Variants in RAB11FIP3 observed in about 807,000 individuals in gnomAD.
The protein encoded by RAB11FIP3 is rab11 family-interacting protein 3.
A neutral mutation model predicts 77.8 loss-of-function variants in RAB11FIP3; 17 were observed. The observed-to-expected ratio is 0.22, with a 90% CI of 0.15 to 0.33. RAB11FIP3 has a LOEUF of 0.33. Ranked by LOEUF, RAB11FIP3 falls within the 10% of genes least tolerant of loss-of-function variation. The probability of loss-of-function intolerance (pLI) is 1.00; values close to 1 mark genes in which losing one functional copy is unlikely to be tolerated. For synonymous variants in RAB11FIP3, 437 were observed against 448.2 expected (o/e 0.98, Z 0.31); for missense variants, 1,005 against 1,011.2 (o/e 0.99, Z 0.08).
rs765877935 is a variant in RAB11FIP3, at chr16:482,679, A to C, written c.1058A>C (p.Glu353Ala). ...GCCGGCGGCTCGGCCGTGCCCTCTG[A>C]GTGCCTGGACGCCATGGAGGAGCCC... The part of the protein sequence containing the change: ...DSAGGSAVPS[E>A]CLDAMEEPDH... The change falls in exon 4 of 14, where the codon GAG becomes GCG. Residue 353 changes from glutamate (E) to alanine (A), a missense_variant. By Grantham distance (107) the Glu-to-Ala change is moderately radical. Transcript: ENST00000262305. 3.2e-5 allele frequency: 52 copies of C among 1,612,448 alleles called. No homozygotes were observed. Among genetic ancestry groups the C allele is most frequent in the Non-Finnish European group, 4.2e-5 (49 of 1,179,930 alleles).
chr16:493,958 C>T (rs950723411), intron 5 of RAB11FIP3, among the ~76,000 whole-genome samples: 1 of 141,072 alleles, frequency 7.1e-6, no homozygotes, highest in Admixed American at 7.2e-5. Context: ...GGCTGGAGTG[C>T]GGTGGTGCGA....
chr16:432,281 G>T (rs1204146848), intron 1 of RAB11FIP3, among the ~76,000 whole-genome samples: 4 of 151,996 alleles, frequency 2.6e-5, no homozygotes, highest in African/African-American at 9.7e-5. Flanking sequence ...AGAGGTCGAG[G>T]CAGGAGAATC....
Position 521,351 on chromosome 16 carries a change from C to A in RAB11FIP3, c.*512C>A. 6.3e-6 allele frequency: 1 copy of A among 157,914 alleles called. No individual in the cohort carries two copies. Among genetic ancestry groups the A allele is most frequent in the South Asian group, 1.9e-4 (1 of 5,328 alleles). The allele number at this position is 157,914 out of a possible 1,614,324, so 9.8% of individuals were successfully genotyped here. ...ATAAGTACGCTGGTGCCGTGTCACC[C>A]ATGTTGAGCCGCTCCTGATGGCTGA... is the stretch of plus-strand genomic sequence containing the variant. On this transcript the variant is annotated 3_prime_UTR_variant, in exon 14 of 14. Transcript: ENST00000262305.
intron 1 of RAB11FIP3, among the ~76,000 whole-genome samples, chr16:450,310 C>G (rs912612457): frequency 9.2e-5 from 14 of 152,060 alleles, no homozygotes; most frequent in Admixed American, 7.9e-4. Context: ...GCTGGGACCA[C>G]AAGCATGCAC....
At chr16:477,705 G>A (rs2055947174) in intron 3 of RAB11FIP3, 2 of 980,432 alleles carry the variant, frequency 2.0e-6, no homozygotes, top group African/African-American at 3.5e-5. Flanking sequence ...CCTGGTTCTG[G>A]ATGTTACAGT....
At chr16:443,601 T>C (rs1334725497) in intron 1 of RAB11FIP3, among the ~76,000 whole-genome samples, 2 of 152,238 alleles carry the variant, frequency 1.3e-5, no homozygotes, top group Non-Finnish European at 2.9e-5. Flanking sequence ...AGTCTCGCTC[T>C]GTCGCCCAGG....
At position 518,330 on chromosome 16, in the gene RAB11FIP3, A is replaced by G. The variant is rs560778382; in HGVS notation, c.1641-613A>G. Among the ~76,000 whole-genome samples, 327 of 152,286 alleles carry G rather than the reference A, an allele frequency of 2.1e-3. 5 individuals carry two copies. Among genetic ancestry groups the G allele is most frequent in the African/African-American group, 7.6e-3 (314 of 41,554 alleles). The stretch of plus-strand genomic sequence containing the variant: ...TCCTGGGCCCAAGCAATCCTCCCGC[A>G]TTGGCCTCCCAAAGTGTTGGGATTA... On this transcript the variant is annotated intron_variant, in intron 9 of 13. Coordinates refer to ENST00000262305, the MANE Select transcript of RAB11FIP3 (RefSeq NM_014700.4).
chr16:492,385 C>CTCCCCGGG (rs1216000473), intron 5 of RAB11FIP3, among the ~76,000 whole-genome samples: 1 of 144,586 alleles, frequency 6.9e-6, no homozygotes, highest in East Asian at 2.0e-4. Flanking sequence ...CGAGGCCGCC[C>CTCCCCGGG]AGAGCCCTCC....
chr16:440,941 C>CT (rs1160155330), intron 1 of RAB11FIP3, among the ~76,000 whole-genome samples: 390 of 143,372 alleles, frequency 2.7e-3, no homozygotes, highest in East Asian at 0.011. Flanking sequence ...GTCCATTTTT[C>CT]TTTTTTTTTT....
intron 5 of RAB11FIP3, among the ~76,000 whole-genome samples, chr16:493,502 C>T (rs2030792110): frequency 6.6e-6 from 1 of 152,206 alleles, no homozygotes; most frequent in Non-Finnish European, 1.5e-5. Context: ...TGTCCAGTCG[C>T]CTCAGAACAG....
rs771301371 is a variant in RAB11FIP3 at position 482,733 on chromosome 16, G to T, written c.1112G>T (p.Gly371Val). Reference sequence around the variant, plus strand: ...CATGGTGCCCTGCTGCTGCTCCCAGGCAGGTCTGTACCCCGCCACGGGCCT... The same window carrying T: ...CATGGTGCCCTGCTGCTGCTCCCAGTCAGGTCTGTACCCCGCCACGGGCCT... The part of the protein sequence containing the change: ...PDHGALLLLP[G>V]RPHPHGQSVI... The change falls in exon 4 of 14, where the codon GGC becomes GTC. Residue 371 changes from glycine (G) to valine (V), a missense_variant. This residue lies in a region of RAB11FIP3 where 433 missense variants were observed against 436.1 expected (regional missense o/e 0.99). Coordinates refer to ENST00000262305, the MANE Select transcript of RAB11FIP3 (RefSeq NM_014700.4). The T allele has an allele frequency of 6.1e-5, 98 of 1,599,896 alleles. No homozygotes were observed. The highest frequency in any genetic ancestry group is 8.3e-5 in the Non-Finnish European group (97 of 1,175,384).
At chr16:454,325 T>C (rs963814773) in intron 1 of RAB11FIP3, among the ~76,000 whole-genome samples, 1 of 152,174 alleles carries the variant, frequency 6.6e-6, no homozygotes, top group African/African-American at 2.4e-5. Flanking sequence ...ATCCCTGTAG[T>C]TCCAGCTACT....
At chr16:508,198 G>A (rs554272431) in intron 8 of RAB11FIP3, among the ~76,000 whole-genome samples, 1 of 152,314 alleles carries the variant, frequency 6.6e-6, no homozygotes, top group Non-Finnish European at 1.5e-5. Flanking sequence ...GTCAGAGATC[G>A]AATTCCCTGA....
In RAB11FIP3 at chr16:507,112, C is replaced by CT. The variant is rs565807928; in HGVS notation, c.1499+1503dup. Among the ~76,000 whole-genome samples the CT allele has an allele frequency of 0.044, 5,963 of 136,494 alleles. 300 individuals carry two copies. Among genetic ancestry groups the CT allele is most frequent in the African/African-American group, 0.11 (3,956 of 36,562 alleles). 89.5% of individuals were successfully genotyped at this position (136,494 alleles called of 152,430 possible). A position where few individuals can be genotyped will look rare whatever the true frequency, so the allele number is the denominator to read the frequency against. The stretch of plus-strand genomic sequence containing the variant: ...TACAGGTGTGCACCACCACACCCAG[C>CT]TTTTTTTTTTTTTTTTTTGAGACGG... On this transcript the variant is annotated intron_variant, in intron 8 of 13. Transcript: ENST00000262305. This position sits in a 1 kb window ranked among gnomAD's most constrained non-coding sequence, Gnocchi z 4.6.
intron 5 of RAB11FIP3, among the ~76,000 whole-genome samples, chr16:490,266 C>T (rs929268192): frequency 3.3e-5 from 5 of 152,236 alleles, no homozygotes; most frequent in African/African-American, 7.2e-5. Flanking sequence ...GCGTCGCAGA[C>T]GCAGCACCCC....
At chr16:510,170 C>T (rs956078345) in intron 8 of RAB11FIP3, among the ~76,000 whole-genome samples, 6 of 149,946 alleles carry the variant, frequency 4.0e-5, no homozygotes, top group Non-Finnish European at 7.4e-5. Flanking sequence ...CTCCACGCCC[C>T]GTCCCGAGTC....
intron 9 of RAB11FIP3, among the ~76,000 whole-genome samples, chr16:517,391 G>A (rs1056539976): frequency 6.6e-6 from 1 of 151,988 alleles, no homozygotes; most frequent in Non-Finnish European, 1.5e-5. Context: ...AACACAGCAA[G>A]ACCTTGTCTC....
chr16:513,711 C>G (rs1165584747), intron 9 of RAB11FIP3, among the ~76,000 whole-genome samples: 1 of 152,218 alleles, frequency 6.6e-6, no homozygotes, highest in Non-Finnish European at 1.5e-5. Context: ...AGCTAAGATA[C>G]TTGCCTTATC....
chr16:467,443 G>A (rs1488834115), intron 2 of RAB11FIP3, among the ~76,000 whole-genome samples: 1 of 151,392 alleles, frequency 6.6e-6, no homozygotes, highest in Non-Finnish European at 1.5e-5. Context: ...GGGACGTCAG[G>A]GAGGAGGTGC....
Sources: gnomAD v4.1 joint callset for allele counts (sites outside exome capture counted in the v4.1 genomes callset) on GRCh38, gnomAD v4.1.1 for gene constraint, gnomAD v4.1.1 regional missense constraint, Gnocchi (gnomAD v3.1) non-coding constraint, MANE v1.5 for transcripts, NCBI Gene and HGNC (gene_info 2026-07-23, HGNC 2026-07-21) for gene names.